KAZN: variants seen among roughly 807,000 people sequenced by gnomAD.
The protein encoded by KAZN is kazrin, periplakin interacting protein.
In KAZN, 40 loss-of-function variants were observed where a neutral mutation model predicts 87.4. The ratio of observed to expected loss-of-function variants is 0.46; its 90% CI spans 0.36 to 0.60. The LOEUF (loss-of-function observed/expected upper bound fraction) is 0.60, where lower values mean the gene tolerates loss of function less well. Ranked by LOEUF, KAZN falls within the 20% of genes least tolerant of loss-of-function variation. KAZN has a pLI of 0.00. For synonymous variants in KAZN, 466 were observed against 458.3 expected, an observed-to-expected ratio of 1.02 and a Z score of -0.22; for missense variants, 898 against 1,073.9, an observed-to-expected ratio of 0.84 and a Z score of 2.29.
At chr1:14,787,409 T>C (rs1645540709) in intron 1 of KAZN, among the ~76,000 whole-genome samples, 1 of 152,168 alleles carries the variant, frequency 6.6e-6, no homozygotes. Flanking sequence ...CCAGGGGTCT[T>C]GACTCTGGAA....
At chr1:14,377,530 T>C (rs2101037107) in intron 2 of KAZN, among the ~76,000 whole-genome samples, 1 of 152,302 alleles carries the variant, frequency 6.6e-6, no homozygotes, top group East Asian at 1.9e-4. Context: ...CGACTCCTCA[T>C]ACTCTATTTT....
intron 1 of KAZN, among the ~76,000 whole-genome samples, chr1:14,607,225 A>C (rs1677441767): frequency 6.6e-6 from 1 of 152,234 alleles, no homozygotes. Context: ...GCACTGTTTC[A>C]AATTCTTTAC....
At chr1:14,079,492 G>A (rs186545736) in intron 1 of KAZN, among the ~76,000 whole-genome samples, 21 of 152,310 alleles carry the variant, frequency 1.4e-4, no homozygotes, top group African/African-American at 4.1e-4. Flanking sequence ...CTGTTCCAGA[G>A]CGATGTTAAC....
intron 1 of KAZN, among the ~76,000 whole-genome samples, chr1:14,102,313 G>GA (rs974655542): frequency 3.9e-5 from 6 of 151,984 alleles, no homozygotes; most frequent in Non-Finnish European, 8.8e-5. Context: ...GACAGCCTGG[G>GA]AAAAAAATGG....
chr1:14,288,897 G>T (rs1176040395), intron 2 of KAZN, among the ~76,000 whole-genome samples: 1 of 152,128 alleles, frequency 6.6e-6, no homozygotes, highest in Non-Finnish European at 1.5e-5. Flanking sequence ...GTTCTCATTG[G>T]TTCCAAAGAA....
At chr1:14,346,039 G>T (rs1428844001) in intron 2 of KAZN, among the ~76,000 whole-genome samples, 1 of 152,166 alleles carries the variant, frequency 6.6e-6, no homozygotes, top group East Asian at 1.9e-4. Flanking sequence ...GAAAGTACAT[G>T]AATGAAAAAT....
At chr1:13,977,666 A>G (rs1266744840) in intron 1 of KAZN, among the ~76,000 whole-genome samples, 1 of 152,188 alleles carries the variant, frequency 6.6e-6, no homozygotes, top group Non-Finnish European at 1.5e-5. Flanking sequence ...AGTTGAGTAA[A>G]AACAGGCGGC....
intron 2 of KAZN, among the ~76,000 whole-genome samples, chr1:14,567,442 T>C (rs1338967443): frequency 6.6e-6 from 1 of 152,194 alleles, no homozygotes; most frequent in Non-Finnish European, 1.5e-5. Flanking sequence ...CACAATGTGA[T>C]ACAGAGACAC....
chr1:14,114,489 G>C (rs1376434307), intron 1 of KAZN, among the ~76,000 whole-genome samples: 1 of 152,032 alleles, frequency 6.6e-6, no homozygotes, highest in Admixed American at 6.5e-5. Context: ...CATCCAGATT[G>C]TGTCCTCTCT....
intron 1 of KAZN, among the ~76,000 whole-genome samples, chr1:14,006,972 A>G (rs1013024166): frequency 2.6e-5 from 4 of 152,170 alleles, no homozygotes; most frequent in Non-Finnish European, 5.9e-5. Flanking sequence ...AACTCAGACT[A>G]TCTTTCCATT....
intron 2 of KAZN, among the ~76,000 whole-genome samples, chr1:14,277,496 T>A (rs1481525201): frequency 1.3e-5 from 2 of 151,926 alleles, no homozygotes; most frequent in Non-Finnish European, 2.9e-5. Flanking sequence ...AAACTGCATC[T>A]CTACTAAAAA....
chr1:14,299,736 G>C (rs1165081064), intron 2 of KAZN, among the ~76,000 whole-genome samples: 3 of 152,150 alleles, frequency 2.0e-5, no homozygotes, highest in Non-Finnish European at 4.4e-5. Context: ...AAGGAGATTA[G>C]CAGGAGTTCA....
chr1:14,978,233 A>G (rs968743796), intron 2 of KAZN, among the ~76,000 whole-genome samples: 2 of 152,248 alleles, frequency 1.3e-5, no homozygotes, highest in East Asian at 3.9e-4. Flanking sequence ...CAAGATCTTC[A>G]TGGCTCAGAT....
intron 13 of KAZN, among the ~76,000 whole-genome samples, chr1:15,109,530 T>C (rs1045028743): frequency 6.6e-6 from 1 of 152,232 alleles, no homozygotes; most frequent in African/African-American, 2.4e-5. Flanking sequence ...CACAGTAAGA[T>C]GTAATTGTAG....
At chr1:14,193,667 T>G (rs60481464) in intron 2 of KAZN, among the ~76,000 whole-genome samples, 38 of 146,802 alleles carry the variant, frequency 2.6e-4, no homozygotes, top group East Asian at 3.9e-4. Context: ...AGGTGTTTTT[T>G]TTTTTTTTTT....
intron 1 of KAZN, among the ~76,000 whole-genome samples, chr1:14,633,936 A>G (rs1398634824): frequency 1.3e-5 from 2 of 152,084 alleles, no homozygotes; most frequent in Non-Finnish European, 2.9e-5. Context: ...GATGAAAAAT[A>G]CCACAATTGC....
At chr1:14,049,613 C>T (rs1322104081) in intron 1 of KAZN, among the ~76,000 whole-genome samples, 2 of 152,164 alleles carry the variant, frequency 1.3e-5, no homozygotes, top group African/African-American at 4.8e-5. Flanking sequence ...ACCCACACTC[C>T]ATGCCCTCTC....
intron 1 of KAZN, among the ~76,000 whole-genome samples, chr1:14,630,324 A>G (rs746688477): frequency 3.9e-5 from 6 of 152,074 alleles, no homozygotes; most frequent in Non-Finnish European, 7.4e-5. Context: ...GGTGGGGGGA[A>G]TTTAACTCTT....
chr1:14,692,334 A>AT, intron 1 of KAZN: 2 of 430,708 alleles, frequency 4.6e-6, no homozygotes, highest in Admixed American at 4.3e-5. Flanking sequence ...TTCGGCTCTC[A>AT]TTTTTTCGAT....
Sources: gnomAD v4.1 joint callset for allele counts (sites outside exome capture counted in the v4.1 genomes callset) on GRCh38, gnomAD v4.1.1 for gene constraint, MANE v1.5 for transcripts, NCBI Gene and HGNC (gene_info 2026-07-23, HGNC 2026-07-21) for gene names.